The following DDX60L variants were observed in gnomAD, a reference collection of about 807,000 sequenced individuals.
DDX60L encodes probable ATP-dependent RNA helicase DDX60-like.
Under a neutral mutation model 211.6 loss-of-function variants are expected in DDX60L, and 191 were observed. The ratio of observed to expected loss-of-function variants is 0.90; its 90% CI spans 0.80 to 1.02. The LOEUF (loss-of-function observed/expected upper bound fraction) is 1.02, where lower values mean the gene tolerates loss of function less well. Ranked by LOEUF, DDX60L falls within the 50% of genes least tolerant of loss-of-function variation. DDX60L has a pLI of 0.00. For synonymous variants in DDX60L, 706 were observed against 694.1 expected, an observed-to-expected ratio of 1.02 and a Z score of -0.27; for missense variants, 2,007 against 1,984.1, an observed-to-expected ratio of 1.01 and a Z score of -0.22.
intron 36 of DDX60L, among the ~76,000 whole-genome samples, chr4:168,361,743 C>T (rs1241649772): frequency 1.3e-5 from 2 of 152,146 alleles, no homozygotes; most frequent in African/African-American, 4.8e-5. Flanking sequence ...AGACTTCCAG[C>T]GGTTTCCACA....
intron 18 of DDX60L, 26 bp from the exon 19 acceptor site, chr4:168,419,423 C>A (rs1750109522): frequency 6.6e-7 from 1 of 1,514,800 alleles, no homozygotes; most frequent in Non-Finnish European, 9.0e-7. Context: ...ATTAGTGTAG[C>A]TAACTTTATG....
rs1470243772 is a variant in DDX60L, at chr4:168,461,797, C to T, written c.508G>A (p.Val170Ile). 1.9e-6 allele frequency: 3 copies of T among 1,605,596 alleles called. No homozygotes were observed. The highest frequency in any genetic ancestry group is 2.6e-6 in the Non-Finnish European group (3 of 1,175,142). Reference sequence around the variant, plus strand: ...TGCCCTGATGAAAGCACAACATTGACTTTCATTCCCCAGGAATGTATGATT... The same window carrying T: ...TGCCCTGATGAAAGCACAACATTGATTTTCATTCCCCAGGAATGTATGATT... ...FLIIHSWGMK[V>I]NVVLSSGHES... is the part of the protein sequence containing the mutation. The change falls in exon 5 of 38, where the codon GTC (valine) becomes ATC (isoleucine). Residue 170 changes from valine (V) to isoleucine (I), a missense_variant. Transcript: ENST00000682922.
At chr4:168,475,751 A>C (rs1759393357) in intron 1 of DDX60L, among the ~76,000 whole-genome samples, 1 of 152,102 alleles carries the variant, frequency 6.6e-6, no homozygotes, top group Non-Finnish European at 1.5e-5. Flanking sequence ...CCTAAACCCC[A>C]GTGTGATGGT....
At position 168,455,919 on chromosome 4, in the gene DDX60L, T is replaced by C. The variant is rs888570229; in HGVS notation, c.837+120A>G. On this transcript the variant is annotated intron_variant, in intron 7 of 37. Transcript: ENST00000682922. ...GGGGCTAAATTCCTAATGAAGAAAA[T>C]GGCGGTCAGAAACCAAGAGTATGTC... 11 of 638,436 alleles carry C rather than the reference T, an allele frequency of 1.7e-5. No individual in the cohort carries two copies. The East Asian group carries it at 2.4e-4, about 14-fold the overall frequency. The allele number at this position is 638,436 out of a possible 1,614,324, so 39.5% of individuals were successfully genotyped here.
intron 14 of DDX60L, 72 bp downstream of exon 14, chr4:168,426,998 A>C: frequency 6.9e-7 from 1 of 1,439,648 alleles, no homozygotes; most frequent in Admixed American, 2.4e-5. Flanking sequence ...ACAACCATGC[A>C]TTCAGTAAAT....
chr4:168,400,843 C>T lies in DDX60L; in HGVS notation c.3474G>A (p.Arg1158=). Reference sequence around the variant, plus strand: ...ATACTTACATCCTTTTCTGTGTCTTCCTCACTTTTTCAAGTACTTCATCTA... The same window carrying T: ...ATACTTACATCCTTTTCTGTGTCTTTCTCACTTTTTCAAGTACTTCATCTA... ...FAIDEVLEKV[R]KTQKRITKKN... is the part of the protein sequence containing the mutation. The change falls in exon 26 of 38, where the codon AGG becomes AGA. Residue 1158 remains arginine (R), a synonymous_variant. Transcript: ENST00000682922. 1 of 1,611,744 alleles carries T rather than the reference C, an allele frequency of 6.2e-7. No homozygotes were observed. Among genetic ancestry groups the T allele is most frequent in the Non-Finnish European group, 8.5e-7 (1 of 1,179,158 alleles).
At chr4:168,479,730 C>T (rs989206561) in intron 1 of DDX60L, among the ~76,000 whole-genome samples, 1 of 151,530 alleles carries the variant, frequency 6.6e-6, no homozygotes, top group Admixed American at 6.6e-5. Context: ...GCACTTTGGG[C>T]GGCCTAGGCG....
chr4:168,358,331 T>A, intron 37 of DDX60L, 55 bp from the exon 38 acceptor site: 1 of 1,292,718 alleles, frequency 7.7e-7, no homozygotes, highest in East Asian at 2.8e-5. Flanking sequence ...TTTATAACAA[T>A]CAATATTATT....
chr4:168,448,780 C>T lies in DDX60L; in HGVS notation c.997-1G>A, dbSNP rs1380814185. The stretch of plus-strand genomic sequence containing the variant: ...AAATGAAATATTCACACCACTTGTT[C>T]TGAAAATTAAAAATAAAACATTATT... On this transcript the variant is annotated splice_acceptor_variant, in intron 8 of 37. Transcript: ENST00000682922. LOFTEE classifies it high-confidence loss of function. 1.3e-6 allele frequency: 2 copies of T among 1,595,514 alleles called. No individual in the cohort carries two copies. Among genetic ancestry groups the T allele is most frequent in the East Asian group, 4.5e-5 (2 of 44,248 alleles).
intron 22 of DDX60L, among the ~76,000 whole-genome samples, chr4:168,407,594 T>C (rs936890392): frequency 6.6e-6 from 1 of 152,208 alleles, no homozygotes; most frequent in Non-Finnish European, 1.5e-5. Flanking sequence ...TATGTTCATG[T>C]GTACTGTGAA....
At chr4:168,426,797 C>T (rs1466976431) in intron 14 of DDX60L, among the ~76,000 whole-genome samples, 1 of 152,194 alleles carries the variant, frequency 6.6e-6, no homozygotes, top group Admixed American at 6.5e-5. Flanking sequence ...CCTTAATTCT[C>T]TCCACACTTT....
At chr4:168,411,887 A>C (rs1748740058) in intron 22 of DDX60L, among the ~76,000 whole-genome samples, 1 of 151,930 alleles carries the variant, frequency 6.6e-6, no homozygotes. Context: ...CTTTGTCTTC[A>C]AACTTGGACA....
Position 168,415,758 on chromosome 4 carries a change from T to C in DDX60L, c.2768A>G (p.Lys923Arg), listed in dbSNP as rs1178437188. The C allele has an allele frequency of 2.0e-5, 31 of 1,587,864 alleles. No individual in the cohort carries two copies. Among genetic ancestry groups the C allele is most frequent in the Non-Finnish European group, 2.6e-5 (30 of 1,165,706 alleles). Residue 923 changes from lysine to arginine, a missense_variant, in exon 21 of 38, where the codon AAG (lysine) becomes AGG (arginine). Physicochemically the swap from Lys to Arg is conservative, Grantham distance 26. Coordinates refer to ENST00000682922, the MANE Select transcript of DDX60L (RefSeq NM_001012967.3). ...AGAAATACATTTCTCTTCCATAATC[T>C]TGTCTGCCTGTTTCCAGTACTGTTT... The part of the protein sequence containing the change: ...SVKQYWKQAD[K>R]IMEEKCISEK...
chr4:168,370,004 C>G (rs948378315), intron 36 of DDX60L, among the ~76,000 whole-genome samples: 1 of 152,088 alleles, frequency 6.6e-6, no homozygotes, highest in Non-Finnish European at 1.5e-5. Context: ...TTATGGAAAA[C>G]AGTGTGTAAA....
intron 27 of DDX60L, 43 bp from the exon 28 acceptor site, chr4:168,394,660 AT>A: frequency 2.0e-6 from 3 of 1,536,860 alleles, no homozygotes; most frequent in Non-Finnish European, 1.8e-6. Context: ...GATGTATTTT[AT>A]TTAATTTCAA....
At chr4:168,440,234 C>CA in intron 10 of DDX60L, among the ~76,000 whole-genome samples, 1 of 152,008 alleles carries the variant, frequency 6.6e-6, no homozygotes, top group African/African-American at 2.4e-5. Context: ...CACACACACA[C>CA]AAAAAAAGAT....
intron 22 of DDX60L, among the ~76,000 whole-genome samples, chr4:168,411,779 T>G (rs76889049): frequency 0.012 from 1,764 of 152,064 alleles, 31 homozygotes; most frequent in African/African-American, 0.038. Context: ...AGGGAGTGAT[T>G]GCATCATCCC....
Position 168,471,954 on chromosome 4 carries a change from G to C in DDX60L, c.75-18C>G, listed in dbSNP as rs1180509546. On this transcript the variant is annotated intron_variant, in intron 3 of 37. Transcript: ENST00000682922. ...TGGAATACCTAAAATAAAAATCAAA[G>C]AGAATAAAAATCACAGATGTTTCAC... 6.5e-7 allele frequency: 1 copy of C among 1,544,164 alleles called. No individual in the cohort carries two copies. The highest frequency in any genetic ancestry group is 2.3e-5 in the East Asian group (1 of 43,420).
In DDX60L at chr4:168,432,554, G is replaced by A. The variant is rs542564890; in HGVS notation, c.1417C>T (p.Pro473Ser). The change falls in exon 12 of 38, where the codon CCT becomes TCT. Residue 473 changes from proline to serine, a missense_variant. Coordinates refer to ENST00000682922, the MANE Select transcript of DDX60L (RefSeq NM_001012967.3). ...PILKSDDPVVPSLFKQKTSDE... is the reference protein window; with the variant it reads ...PILKSDDPVVSSLFKQKTSDE... ...GATGTCTTTTGTTTAAACAGTGAAGGAACAACCGGATCATCACTGTAAAAA... is the reference window on the plus strand; with the variant it reads ...GATGTCTTTTGTTTAAACAGTGAAGAAACAACCGGATCATCACTGTAAAAA... 3.2e-6 allele frequency: 5 copies of A among 1,574,986 alleles called. No individual in the cohort carries two copies. In the South Asian group the frequency reaches 4.7e-5, roughly 15 times the overall value.
Sources: allele counts gnomAD v4.1 joint callset (sites outside exome capture counted in the v4.1 genomes callset), GRCh38; gene constraint gnomAD v4.1.1; transcripts MANE v1.5; gene names NCBI Gene and HGNC (gene_info 2026-07-23, HGNC 2026-07-21).